The following TIMM8B variants were observed in gnomAD, a reference collection of about 807,000 sequenced individuals.
TIMM8B encodes the protein translocase of inner mitochondrial membrane 8 homolog B, also known as mitochondrial import inner membrane translocase subunit Tim8 B.
In TIMM8B, 5 loss-of-function variants were observed where a neutral mutation model predicts 8.5. That is an observed-to-expected ratio of 0.59 (90% confidence interval 0.31 to 1.24). The LOEUF is 1.24. Among genes scored for constraint, TIMM8B ranks in the 50% most tolerant of loss-of-function variants. The probability of loss-of-function intolerance (pLI) is 0.07; values close to 1 mark genes in which losing one functional copy is unlikely to be tolerated. For missense variants in TIMM8B, 104 were observed against 109.2 expected, an observed-to-expected ratio of 0.95 and a Z score of 0.21; for synonymous variants, 44 against 39.9, an observed-to-expected ratio of 1.10 and a Z score of -0.39.
chr11:112,085,314 A>G lies in TIMM8B; in HGVS notation c.233T>C (p.Val78Ala). Reference protein sequence around the residue: ...LAITSRFAQIVQKGGQ With the variant: ...LAITSRFAQIAQKGGQ Reference sequence around the variant, plus strand: ...GATGGCCTACTGCCCTCCTTTCTGTACAATCTGGGCAAACCGACTGGTGAT... The same window carrying G: ...GATGGCCTACTGCCCTCCTTTCTGTGCAATCTGGGCAAACCGACTGGTGAT... Residue 78 changes from valine (V) to alanine (A), a missense_variant, in exon 2 of 2, where the codon GTA (valine) becomes GCA (alanine). Coordinates refer to ENST00000504148, the MANE Select transcript of TIMM8B (RefSeq NM_012459.4). 1 of 1,612,140 alleles carries G rather than the reference A, an allele frequency of 6.2e-7. No individual in the cohort carries two copies. The highest frequency in any genetic ancestry group is 8.5e-7 in the Non-Finnish European group (1 of 1,179,772).
intron 1 of TIMM8B, chr11:112,085,952 A>G (rs1187145917): frequency 9.5e-7 from 1 of 1,058,012 alleles, no homozygotes; most frequent in East Asian, 7.0e-5. Context: ...ACCCAAAAGG[A>G]AAAAACCATT....
chr11:112,085,414 C>G lies in TIMM8B; in HGVS notation c.133G>C (p.Gly45Arg). 2.5e-6 allele frequency: 4 copies of G among 1,614,098 alleles called. No individual in the cohort carries two copies. In the South Asian group the frequency reaches 4.4e-5, roughly 18 times the overall value. Residue 45 changes from glycine to arginine, a missense_variant, in exon 2 of 2, where the codon GGG becomes CGG. Transcript: ENST00000504148. ...TCAGTGCGAGAGTCTAGGCGATTCCCTGGCTTCTCCACACATTTATCCCAA... is the reference window on the plus strand; with the variant it reads ...TCAGTGCGAGAGTCTAGGCGATTCCGTGGCTTCTCCACACATTTATCCCAA... The part of the protein sequence containing the change: ...LCWDKCVEKP[G>R]NRLDSRTENC...
At chr11:112,086,131 A>G in intron 1 of TIMM8B, 4 of 1,016,268 alleles carry the variant, frequency 3.9e-6, no homozygotes, top group Non-Finnish European at 5.3e-6. Flanking sequence ...GAAGGGCTCC[A>G]AACCCTTGTT....
In TIMM8B at chr11:112,086,645, C is replaced by T. The variant is rs753913889; in HGVS notation, c.79G>A (p.Ala27Thr). The T allele has an allele frequency of 1.3e-6, 2 of 1,597,600 alleles. No homozygotes were observed. Among genetic ancestry groups the T allele is most frequent in the Non-Finnish European group, 1.7e-6 (2 of 1,177,224 alleles). The change falls in exon 1 of 2, where the codon GCA (alanine) becomes ACA (threonine). Residue 27 changes from alanine to threonine, a missense_variant. Transcript: ENST00000504148. The stretch of plus-strand genomic sequence containing the variant: ...CACCCTCCCCGTCCCCGCACCTGTG[C>T]AGTAAACTGCGCCTTCTGCTGCTCG... ...AAEQQKAQFT[A>T]QVHHFMELCW...
Position 112,086,656 on chromosome 11 carries a change from G to T in TIMM8B, c.68C>A (p.Ala23Glu). ...TCCCCGCACCTGTGCAGTAAACTGC[G>T]CCTTCTGCTGCTCGGCGGCCACCAG... ...QRLVAAEQQK[A>E]QFTAQVHHFM... Residue 23 changes from alanine to glutamate, a missense_variant, in exon 1 of 2, where the codon GCG becomes GAG. Transcript: ENST00000504148. The T allele has an allele frequency of 6.2e-7, 1 of 1,600,006 alleles. No homozygotes were observed. The highest frequency in any genetic ancestry group is 8.5e-7 in the Non-Finnish European group (1 of 1,178,146).
chr11:112,086,098 C>T (rs1865591199), intron 1 of TIMM8B: 4 of 1,200,720 alleles, frequency 3.3e-6, no homozygotes, highest in African/African-American at 1.6e-5. Flanking sequence ...AGCAAGAAGT[C>T]AGGCCGCGTT....
rs368516346 is a variant in TIMM8B, at chr11:112,086,719, G to A, written c.5C>T (p.Ala2Val). The A allele has an allele frequency of 6.4e-5, 103 of 1,601,728 alleles. No homozygotes were observed. In the Middle Eastern group the frequency reaches 9.9e-4, roughly 15 times the overall value. The change falls in exon 1 of 2, where the codon GCG (alanine) becomes GTG (valine). Residue 2 changes from alanine to valine, a missense_variant. By Grantham distance (64) the Ala-to-Val change is moderately conservative. Transcript: ENST00000504148. ...CGCTTCATCGGCTTCGCCCAGCTCCGCCATTGTTCGCCTCAGGCTCGCCAC... is the reference window on the plus strand; with the variant it reads ...CGCTTCATCGGCTTCGCCCAGCTCCACCATTGTTCGCCTCAGGCTCGCCAC... M[A>V]ELGEADEAEL...
At chr11:112,085,522 T>C in intron 1 of TIMM8B, 60 bp from the exon 2 acceptor site, 1 of 1,426,102 alleles carries the variant, frequency 7.0e-7, no homozygotes, top group Non-Finnish European at 9.5e-7. Context: ...CTCTTGTTTA[T>C]TAACTTCTCA....
rs1363725467 is a variant in TIMM8B, at chr11:112,085,524, A to T, written c.85-62T>A. The stretch of plus-strand genomic sequence containing the variant: ...CAGATAGGCCTAACTCTTGTTTATT[A>T]ACTTCTCACTTTTTGACACCTGACA... On this transcript the variant is annotated intron_variant, in intron 1 of 1. Transcript: ENST00000504148. 4.3e-6 allele frequency: 6 copies of T among 1,411,094 alleles called. No homozygotes were observed. In the Admixed American group the frequency reaches 1.1e-4, roughly 25 times the overall value. 87.4% of individuals were successfully genotyped at this position (1,411,094 alleles called of 1,614,324 possible). A position where few individuals can be genotyped will look rare whatever the true frequency, so the allele number is the denominator to read the frequency against.
chr11:112,086,678 C>G lies in TIMM8B; in HGVS notation c.46G>C (p.Val16Leu). ...TGCGCCTTCTGCTGCTCGGCGGCCA[C>G]CAGGCGCTGCAACTCCGCTTCATCG... ...EADEAELQRLVAAEQQKAQFT... is the reference protein window; with the variant it reads ...EADEAELQRLLAAEQQKAQFT... The change falls in exon 1 of 2, where the codon GTG becomes CTG. Residue 16 changes from valine (V) to leucine (L), a missense_variant. By Grantham distance (32) the Val-to-Leu change is conservative (BLOSUM62 1). Transcript: ENST00000504148. 6.2e-7 allele frequency: 1 copy of G among 1,602,952 alleles called. No individual in the cohort carries two copies. Among genetic ancestry groups the G allele is most frequent in the Non-Finnish European group, 8.5e-7 (1 of 1,178,644 alleles).
intron 1 of TIMM8B, 93 bp downstream of exon 1, chr11:112,086,546 AC>A (rs1865603239): frequency 6.8e-7 from 1 of 1,465,214 alleles, no homozygotes; most frequent in African/African-American, 1.4e-5. Flanking sequence ...GGGATCGAGC[AC>A]CAGTGAGCCG....
In TIMM8B at chr11:112,085,125, C is replaced by G; in HGVS notation, c.*170G>C. 2.1e-6 allele frequency: 1 copy of G among 486,020 alleles called. No homozygotes were observed. Among genetic ancestry groups the G allele is most frequent in the Non-Finnish European group, 3.5e-6 (1 of 285,504 alleles). 30.1% of individuals were successfully genotyped at this position (486,020 alleles called of 1,614,324 possible). ...CATACAACCTGGAATTTCTGAATTC[C>G]AAATAAATAAATTTCACTCTTTGAA... On this transcript the variant is annotated 3_prime_UTR_variant, in exon 2 of 2. Coordinates refer to ENST00000504148, the MANE Select transcript of TIMM8B (RefSeq NM_012459.4).
rs1296206672 is a variant in TIMM8B at position 112,085,081 on chromosome 11, C to T, written c.*214G>A. ...TAAAAGAAGAGTTGGAGAATTCACA[C>T]TTATTGAGTAACTGATGTCATACAA... is the stretch of plus-strand genomic sequence containing the variant. On this transcript the variant is annotated 3_prime_UTR_variant, in exon 2 of 2. Coordinates refer to ENST00000504148, the MANE Select transcript of TIMM8B (RefSeq NM_012459.4). 1 of 426,064 alleles carries T rather than the reference C, an allele frequency of 2.3e-6. No individual in the cohort carries two copies. Among genetic ancestry groups the T allele is most frequent in the Non-Finnish European group, 4.2e-6 (1 of 238,914 alleles). The allele number at this position is 426,064 out of a possible 1,614,324, so 26.4% of individuals were successfully genotyped here.
chr11:112,086,661 C>G lies in TIMM8B; in HGVS notation c.63G>C (p.Gln21His), dbSNP rs758845119. The G allele has an allele frequency of 1.2e-6, 2 of 1,601,056 alleles. No homozygotes were observed. The highest frequency in any genetic ancestry group is 2.7e-5 in the African/African-American group (2 of 74,878). Residue 21 changes from glutamine (Q) to histidine (H), a missense_variant, in exon 1 of 2, where the codon CAG (glutamine) becomes CAC (histidine). Gln to His is a conservative substitution (Grantham distance 24, BLOSUM62 0). Coordinates refer to ENST00000504148, the MANE Select transcript of TIMM8B (RefSeq NM_012459.4). ...GCACCTGTGCAGTAAACTGCGCCTT[C>G]TGCTGCTCGGCGGCCACCAGGCGCT... ...ELQRLVAAEQ[Q>H]KAQFTAQVHH...
In TIMM8B at chr11:112,084,999, T is replaced by G; in HGVS notation, c.*296A>C. 1 of 237,526 alleles carries G rather than the reference T, an allele frequency of 4.2e-6. No homozygotes were observed. Among genetic ancestry groups the G allele is most frequent in the Non-Finnish European group, 8.1e-6 (1 of 122,760 alleles). The allele number at this position is 237,526 out of a possible 1,614,324, so 14.7% of individuals were successfully genotyped here. A position where few individuals can be genotyped will look rare whatever the true frequency, so the allele number is the denominator to read the frequency against. ...CATTTGCACTACTGGCCATGGAACA[T>G]TTATTTCTAGTGTTCCTGCCAATCA... On this transcript the variant is annotated 3_prime_UTR_variant, in exon 2 of 2. Coordinates refer to ENST00000504148, the MANE Select transcript of TIMM8B (RefSeq NM_012459.4).
chr11:112,084,942 C>G lies in TIMM8B; in HGVS notation c.*353G>C, dbSNP rs1865553551. 1.1e-5 allele frequency: 2 copies of G among 175,060 alleles called. No individual in the cohort carries two copies. Among genetic ancestry groups the G allele is most frequent in the South Asian group, 3.5e-4 (2 of 5,674 alleles). 10.8% of individuals were successfully genotyped at this position (175,060 alleles called of 1,614,324 possible). A position where few individuals can be genotyped will look rare whatever the true frequency, so the allele number is the denominator to read the frequency against. On this transcript the variant is annotated 3_prime_UTR_variant, in exon 2 of 2. Transcript: ENST00000504148. ...GGTTCTTCCAACCCCCTTAATATGG[C>G]TTAGGGTGGTTTTTCAAAACCTACA...
chr11:112,085,561 T>A, intron 1 of TIMM8B, 99 bp from the exon 2 acceptor site: 1 of 1,008,684 alleles, frequency 9.9e-7, no homozygotes, highest in Non-Finnish European at 1.4e-6. Flanking sequence ...AACCATTCTT[T>A]AAATCAACCA....
chr11:112,086,134 C>A, intron 1 of TIMM8B: 1 of 984,486 alleles, frequency 1.0e-6, no homozygotes, highest in South Asian at 1.5e-5. Context: ...GGGCTCCAAA[C>A]CCTTGTTCTA....
rs1214210312 is a variant in TIMM8B at position 112,086,735 on chromosome 11, G to A, written c.-12C>T. Reference sequence around the variant, plus strand: ...CCCAGCTCCGCCATTGTTCGCCTCAGGCTCGCCACCTTCCGACAGCTGTGT... The same window carrying A: ...CCCAGCTCCGCCATTGTTCGCCTCAAGCTCGCCACCTTCCGACAGCTGTGT... On this transcript the variant is annotated 5_prime_UTR_variant, in exon 1 of 2. Coordinates refer to ENST00000504148, the MANE Select transcript of TIMM8B (RefSeq NM_012459.4). 1.9e-6 allele frequency: 3 copies of A among 1,601,812 alleles called. No homozygotes were observed. The highest frequency in any genetic ancestry group is 1.3e-5 in the African/African-American group (1 of 74,802).
Sources: allele counts gnomAD v4.1 joint callset, GRCh38; gene constraint gnomAD v4.1.1; transcripts MANE v1.5; gene names NCBI Gene and HGNC (gene_info 2026-07-23, HGNC 2026-07-21).